HIVEP3: variants seen among roughly 807,000 people sequenced by gnomAD.
The protein encoded by HIVEP3 is HIVEP zinc finger 3.
In HIVEP3, 49 loss-of-function variants were observed where a neutral mutation model predicts 152.8. The ratio of observed to expected loss-of-function variants is 0.32; its 90% CI spans 0.26 to 0.41. The LOEUF (loss-of-function observed/expected upper bound fraction) is 0.41. Among genes scored for constraint, HIVEP3 ranks in the 10% least tolerant of loss-of-function variants. The pLI, the probability that HIVEP3 is intolerant of heterozygous loss-of-function variation, is 1.00. For synonymous variants in HIVEP3, 1,269 were observed against 1,289.0 expected (o/e 0.98, Z 0.33); for missense variants, 2,790 against 3,103.3 (o/e 0.90, Z 2.40).
At chr1:41,647,289 T>C (rs546363831) in intron 2 of HIVEP3, among the ~76,000 whole-genome samples, 2 of 152,332 alleles carry the variant, frequency 1.3e-5, no homozygotes, top group East Asian at 3.9e-4. Flanking sequence ...AATGGGGTTT[T>C]GGAAGGAAGG....
chr1:41,953,436 T>G (rs1181869479), intron 1 of HIVEP3, among the ~76,000 whole-genome samples: 2 of 152,168 alleles, frequency 1.3e-5, no homozygotes, highest in African/African-American at 4.8e-5. Context: ...GAGGATTAAA[T>G]GAGATGATCT....
rs755269105 is a variant in HIVEP3, at chr1:41,524,938, G to A, written c.5208-28C>T. On this transcript the variant is annotated intron_variant, in intron 5 of 8. Coordinates refer to ENST00000372583, the MANE Select transcript of HIVEP3 (RefSeq NM_024503.5). ...ATGAGCAACAGGCGTCATAGTAAAG[G>A]GAAAAAAAAGGAGAAGAGGCAGGTT... The A allele has an allele frequency of 2.3e-5, 37 of 1,585,972 alleles. 1 individual carries two copies. Among genetic ancestry groups the A allele is most frequent in the Admixed American group, 2.3e-4 (13 of 55,990 alleles).
At chr1:41,679,246 T>G (rs1646002507) in intron 2 of HIVEP3, among the ~76,000 whole-genome samples, 1 of 152,200 alleles carries the variant, frequency 6.6e-6, no homozygotes, top group Admixed American at 6.5e-5. Flanking sequence ...GTTTTCATGA[T>G]GCAGGCCTTC....
chr1:41,987,531 G>A (rs1273330838), intron 1 of HIVEP3, among the ~76,000 whole-genome samples: 1 of 152,150 alleles, frequency 6.6e-6, no homozygotes, highest in Non-Finnish European at 1.5e-5. Context: ...TACAAAGCTA[G>A]AGTAATCAAA....
intron 5 of HIVEP3, among the ~76,000 whole-genome samples, chr1:41,547,078 A>G (rs1161139873): frequency 1.3e-5 from 2 of 152,162 alleles, no homozygotes; most frequent in Admixed American, 6.5e-5. Context: ...AGCTGTCCCT[A>G]TTCTGCAGAT....
chr1:41,878,572 C>CACCACACTCACATCACGGGATCTAAATT (rs1229040965), intron 1 of HIVEP3, among the ~76,000 whole-genome samples: 47 of 152,304 alleles, frequency 3.1e-4, no homozygotes, highest in Admixed American at 1.1e-3. Context: ...GAGAAGAAAA[C>CACCACACTCACATCACGGGATCTAAATT]ACCACACTCA....
chr1:41,548,274 C>G (rs1361966378), intron 5 of HIVEP3, among the ~76,000 whole-genome samples: 1 of 152,116 alleles, frequency 6.6e-6, no homozygotes, highest in Non-Finnish European at 1.5e-5. Context: ...GCTGTGGTAG[C>G]GATCACTCTC....
At chr1:41,798,279 A>C (rs1403544733) in intron 1 of HIVEP3, among the ~76,000 whole-genome samples, 1 of 151,642 alleles carries the variant, frequency 6.6e-6, no homozygotes, top group African/African-American at 2.4e-5. Flanking sequence ...CCTAGAACTT[A>C]AAGTATAATT....
chr1:41,976,942 G>T (rs1286365376), intron 1 of HIVEP3, among the ~76,000 whole-genome samples: 1 of 152,214 alleles, frequency 6.6e-6, no homozygotes, highest in Non-Finnish European at 1.5e-5. Flanking sequence ...CCAGGACTGT[G>T]CAACCATACA....
chr1:41,858,801 C>T (rs1295156939), intron 1 of HIVEP3, among the ~76,000 whole-genome samples: 1 of 152,174 alleles, frequency 6.6e-6, no homozygotes, highest in Non-Finnish European at 1.5e-5. Flanking sequence ...CACGATGGAC[C>T]AGACCAGCAG....
intron 1 of HIVEP3, among the ~76,000 whole-genome samples, chr1:41,735,591 C>T (rs571027244): frequency 6.6e-6 from 1 of 152,288 alleles, no homozygotes; most frequent in South Asian, 2.1e-4. Flanking sequence ...AAATTAGCAA[C>T]TTTCTACCAC....
chr1:41,760,162 G>A (rs1647573162), intron 1 of HIVEP3, among the ~76,000 whole-genome samples: 1 of 152,170 alleles, frequency 6.6e-6, no homozygotes, highest in African/African-American at 2.4e-5. Flanking sequence ...GCTCTAGCCT[G>A]GGCAACATAG....
At chr1:41,872,814 C>G (rs1223384930) in intron 1 of HIVEP3, among the ~76,000 whole-genome samples, 3 of 152,196 alleles carry the variant, frequency 2.0e-5, no homozygotes, top group African/African-American at 7.2e-5. Context: ...GGTATTTGGG[C>G]TGCTTTTAGT....
At chr1:41,835,687 C>T (rs1021396898) in intron 1 of HIVEP3, among the ~76,000 whole-genome samples, 3 of 152,130 alleles carry the variant, frequency 2.0e-5, no homozygotes, top group South Asian at 2.1e-4. Context: ...ATGTAGATCA[C>T]GCTAATATTC....
chr1:41,614,089 G>A (rs1296906937), intron 3 of HIVEP3, among the ~76,000 whole-genome samples: 1 of 152,200 alleles, frequency 6.6e-6, no homozygotes, highest in Admixed American at 6.5e-5. Flanking sequence ...TGTGGCGTCC[G>A]GCAGCAGATG....
At chr1:41,770,315 A>G (rs1648272832) in intron 1 of HIVEP3, among the ~76,000 whole-genome samples, 1 of 152,086 alleles carries the variant, frequency 6.6e-6, no homozygotes, top group Admixed American at 6.6e-5. Context: ...GCCTCAACGT[A>G]TCTCCCCCAG....
chr1:41,989,780 T>A (rs527838479), intron 1 of HIVEP3, among the ~76,000 whole-genome samples: 11 of 151,704 alleles, frequency 7.3e-5, no homozygotes, highest in African/African-American at 2.7e-4. Context: ...GCTTGGTAGA[T>A]CTTCCTCCAT....
intron 1 of HIVEP3, among the ~76,000 whole-genome samples, chr1:41,957,662 A>G (rs1367402239): frequency 6.6e-6 from 1 of 152,216 alleles, no homozygotes; most frequent in African/African-American, 2.4e-5. Flanking sequence ...GTGGAGGAGG[A>G]TGATTTCAGA....
intron 1 of HIVEP3, among the ~76,000 whole-genome samples, chr1:41,988,566 A>G (rs1019872076): frequency 6.6e-6 from 1 of 152,220 alleles, no homozygotes; most frequent in African/African-American, 2.4e-5. Context: ...GAGAAATAAC[A>G]AGTGTTAGTG....
Sources: allele counts gnomAD v4.1 joint callset (sites outside exome capture counted in the v4.1 genomes callset), GRCh38; gene constraint gnomAD v4.1.1; transcripts MANE v1.5; gene names NCBI Gene and HGNC (gene_info 2026-07-23, HGNC 2026-07-21).